CUX1: variants seen among roughly 807,000 people sequenced by gnomAD.
CUX1 encodes the protein protein CASP.
CUX1 carries 31 observed loss-of-function variants against 158.8 expected under a neutral mutation model. The observed-to-expected ratio is 0.20, with a 90% confidence interval of 0.15 to 0.26. The LOEUF (loss-of-function observed/expected upper bound fraction) is 0.26, where lower values mean the gene tolerates loss of function less well. Among genes scored for constraint, CUX1 ranks in the 10% least tolerant of loss-of-function variants. The probability of loss-of-function intolerance (pLI) is 1.00; values close to 1 mark genes in which losing one functional copy is unlikely to be tolerated. For synonymous variants in CUX1, 879 were observed against 862.1 expected (o/e 1.02, Z -0.34); for missense variants, 1,589 against 2,014.6 (o/e 0.79, Z 4.04).
At chr7:102,008,977 A>C (rs1376913624) in intron 2 of CUX1, among the ~76,000 whole-genome samples, 1 of 152,054 alleles carries the variant, frequency 6.6e-6, no homozygotes, top group Non-Finnish European at 1.5e-5. Flanking sequence ...AGCAGGGGAG[A>C]GAAGGGAGGT....
At chr7:102,283,100 G>A (rs782100521) in exon 23 of CUX1, 2 of 1,612,450 alleles carry the variant, frequency 1.2e-6, no homozygotes, top group Non-Finnish European at 1.7e-6. Flanking sequence ...ATACCCCGGG[G>A]CCTCCCCCGT....
At chr7:102,132,680 CTTT>C (rs1174779466) in intron 8 of CUX1, among the ~76,000 whole-genome samples, 3 of 115,178 alleles carry the variant, frequency 2.6e-5, no homozygotes, top group African/African-American at 3.5e-5. Flanking sequence ...CTTTGCTTTT[CTTT>C]TTTTTTTTTT....
At chr7:102,035,792 A>G (rs1208355537) in intron 3 of CUX1, among the ~76,000 whole-genome samples, 1 of 152,054 alleles carries the variant, frequency 6.6e-6, no homozygotes, top group Non-Finnish European at 1.5e-5. Context: ...AAGGAGAGAA[A>G]TTTCCACTAC....
intron 1 of CUX1, among the ~76,000 whole-genome samples, chr7:101,872,285 C>T (rs1023225207): frequency 6.6e-6 from 1 of 151,800 alleles, no homozygotes; most frequent in African/African-American, 2.4e-5. Context: ...AGGCGCCCAT[C>T]ACCACGCCCG....
At chr7:102,030,689 G>GTGTTTGTTTTTTTTTTTTTTTGTTTTT (rs1820647134) in intron 3 of CUX1, among the ~76,000 whole-genome samples, 1 of 82,540 alleles carries the variant, frequency 1.2e-5, no homozygotes, top group Non-Finnish European at 2.1e-5. Flanking sequence ...ATTTTAAAAA[G>GTGTTTGTTTTTTTTTTTTTTTGTTTTT]TGTTTTTTTT....
chr7:101,818,691 T>C (rs1792151224), intron 1 of CUX1, among the ~76,000 whole-genome samples: 1 of 152,224 alleles, frequency 6.6e-6, no homozygotes, highest in Non-Finnish European at 1.5e-5. Flanking sequence ...CTTAGATGAT[T>C]TCCTATGGGT....
rs556237321 is a variant in CUX1, at chr7:102,250,062, G to GA, written c.*1032dup. 0.09 allele frequency: 52,456 copies of GA among 582,228 alleles called. 49 individuals are homozygous for GA. The highest frequency in any genetic ancestry group is 0.1 in the Non-Finnish European group (48,029 of 473,392). 36.1% of individuals were successfully genotyped at this position (582,228 alleles called of 1,614,324 possible). ...TCAGGACAAAAAAAAGAAAAAAAAAGAAAAAAAAAAAAGAAAAGATCCGAA... is the reference window on the plus strand; with the variant it reads ...TCAGGACAAAAAAAAGAAAAAAAAAGAAAAAAAAAAAAAGAAAAGATCCGAA... On this transcript the variant is annotated 3_prime_UTR_variant, in exon 24 of 24. Transcript: ENST00000292535.
rs1174779466 is a variant in CUX1, at chr7:102,132,680, C to CTTTTT, written c.674+17422_674+17426dup. ...TTTTAATTTGTTTTTCTTTGCTTTT[C>CTTTTT]TTTTTTTTTTTTTTTTTTTGAGACA... On this transcript the variant is annotated intron_variant, in intron 8 of 23. Coordinates refer to ENST00000292535, the MANE Select transcript of CUX1 (RefSeq NM_181552.4). Among the ~76,000 whole-genome samples the CTTTTT allele has an allele frequency of 4.4e-4, 51 of 115,172 alleles. 1 individual carries two copies. The highest frequency in any genetic ancestry group is 5.9e-4 in the Non-Finnish European group (35 of 59,458). The allele number at this position is 115,172 out of a possible 152,430, so 75.6% of individuals were successfully genotyped here.
intron 20 of CUX1, among the ~76,000 whole-genome samples, chr7:102,218,744 C>T (rs1040446710): frequency 1.3e-4 from 19 of 151,820 alleles, no homozygotes; most frequent in African/African-American, 3.1e-4. Flanking sequence ...AAGAGTTTCT[C>T]GGGCAAACCT....
intron 8 of CUX1, among the ~76,000 whole-genome samples, chr7:102,117,673 CAG>C (rs1490119249): frequency 1.3e-5 from 2 of 152,158 alleles, no homozygotes; most frequent in African/African-American, 2.4e-5. Flanking sequence ...TCCCTAGCAT[CAG>C]GGGAGCGCAG....
Position 102,249,745 on chromosome 7 carries a change from G to A in CUX1, c.*703G>A. The A allele has an allele frequency of 1.0e-6, 1 of 976,042 alleles. No individual in the cohort carries two copies. The highest frequency in any genetic ancestry group is 1.2e-6 in the Non-Finnish European group (1 of 822,494). 60.5% of individuals were successfully genotyped at this position (976,042 alleles called of 1,614,324 possible). A position where few individuals can be genotyped will look rare whatever the true frequency, so the allele number is the denominator to read the frequency against. Reference sequence around the variant, plus strand: ...TTTGTAGCTGTTCAGTTGCCACTAAGAGATTGCACAGTCAAAACGACTCTA... The same window carrying A: ...TTTGTAGCTGTTCAGTTGCCACTAAAAGATTGCACAGTCAAAACGACTCTA... On this transcript the variant is annotated 3_prime_UTR_variant, in exon 24 of 24. Transcript: ENST00000292535.
chr7:102,141,789 AT>A (rs71123009), intron 8 of CUX1, among the ~76,000 whole-genome samples: 1,120 of 102,556 alleles, frequency 0.011, 5 homozygotes, highest in African/African-American at 0.031. Flanking sequence ...CTCTCAGCTA[AT>A]TTTTTTTTTT....
intron 15 of CUX1, among the ~76,000 whole-genome samples, chr7:102,197,674 A>G (rs575831559): frequency 6.6e-6 from 1 of 152,246 alleles, no homozygotes; most frequent in African/African-American, 2.4e-5. Flanking sequence ...GGAGCCCTTA[A>G]GTCCCCTCCA....
At chr7:101,939,905 A>AC (rs1411067197) in intron 2 of CUX1, among the ~76,000 whole-genome samples, 1 of 151,936 alleles carries the variant, frequency 6.6e-6, no homozygotes, top group African/African-American at 2.4e-5. Context: ...ACATGGTGAA[A>AC]CCCCATCTCT....
chr7:101,944,700 T>A (rs1808169784), intron 2 of CUX1, among the ~76,000 whole-genome samples: 2 of 152,334 alleles, frequency 1.3e-5, no homozygotes, highest in South Asian at 4.1e-4. Context: ...GGCGTGTATG[T>A]TCATGGGTGA....
At chr7:102,093,014 G>A (rs558940230) in intron 4 of CUX1, among the ~76,000 whole-genome samples, 20 of 151,658 alleles carry the variant, frequency 1.3e-4, no homozygotes, top group African/African-American at 4.8e-4. Flanking sequence ...CCTGCCTTGC[G>A]TTTGTCATTT....
rs1272561683 is a variant in CUX1 at position 101,869,170 on chromosome 7, G to T, written c.31-46945G>T. 2.6e-5 allele frequency among the ~76,000 whole-genome samples: 4 copies of T among 152,138 alleles called. No homozygotes were observed. The highest frequency in any genetic ancestry group is 4.4e-5 in the Non-Finnish European group (3 of 67,996). The stretch of plus-strand genomic sequence containing the variant: ...CCTGGGATGTGGGAATGGCTGGTGG[G>T]GGCAGGTAGGGGGAGACCAGGATGA... On this transcript the variant is annotated intron_variant, in intron 1 of 23. Transcript: ENST00000292535. This position sits in a 1 kb window ranked among gnomAD's most constrained non-coding sequence, Gnocchi z 4.5.
intron 2 of CUX1, among the ~76,000 whole-genome samples, chr7:102,013,067 A>G (rs1818210241): frequency 6.6e-6 from 1 of 151,692 alleles, no homozygotes; most frequent in East Asian, 1.9e-4. Context: ...ATAGCTAGGT[A>G]CTTTGATCTA....
intron 2 of CUX1, among the ~76,000 whole-genome samples, chr7:101,994,646 C>T (rs1022461722): frequency 3.3e-5 from 5 of 152,094 alleles, no homozygotes; most frequent in Admixed American, 2.6e-4. Context: ...TTCCCAGATC[C>T]GTGCCTCTGG....
Sources: allele counts gnomAD v4.1 joint callset (sites outside exome capture counted in the v4.1 genomes callset), GRCh38; gene constraint gnomAD v4.1.1; non-coding constraint Gnocchi (gnomAD v3.1); transcripts MANE v1.5; gene names NCBI Gene and HGNC (gene_info 2026-07-23, HGNC 2026-07-21).